PRKN: variants seen among roughly 807,000 people sequenced by gnomAD.
PRKN encodes the protein E3 ubiquitin-protein ligase parkin.
PRKN carries 56 observed loss-of-function variants against 59.5 expected under a neutral mutation model. The ratio of observed to expected loss-of-function variants is 0.94; its 90% CI spans 0.76 to 1.18. The LOEUF is 1.18. Ranked by LOEUF, PRKN falls within the 50% of genes most tolerant of loss-of-function variation. The probability of loss-of-function intolerance (pLI) is 0.00; values close to 1 mark genes in which losing one functional copy is unlikely to be tolerated. For synonymous variants in PRKN, 250 were observed against 222.1 expected (o/e 1.13, Z -1.12); for missense variants, 657 against 596.4 (o/e 1.10, Z -1.06).
At chr6:162,133,318 T>C (rs1181930653) in intron 4 of PRKN, among the ~76,000 whole-genome samples, 1 of 152,162 alleles carries the variant, frequency 6.6e-6, no homozygotes, top group African/African-American at 2.4e-5. Flanking sequence ...TCAGCAACGC[T>C]GCTGATGGAT....
At chr6:161,611,463 T>G (rs1416988271) in intron 7 of PRKN, among the ~76,000 whole-genome samples, 1 of 152,226 alleles carries the variant, frequency 6.6e-6, no homozygotes, top group African/African-American at 2.4e-5. Context: ...TTGGTAATTC[T>G]CACACTATTT....
chr6:162,168,534 T>A (rs1424387601), intron 4 of PRKN, among the ~76,000 whole-genome samples: 2 of 113,194 alleles, frequency 1.8e-5, no homozygotes, highest in African/African-American at 7.0e-5. Flanking sequence ...CAGGCTTTCA[T>A]CCATCATTCT....
At position 161,428,090 on chromosome 6, in the gene PRKN, G is replaced by A. The variant is rs979934598; in HGVS notation, c.1084-41213C>T. 1.6e-4 allele frequency among the ~76,000 whole-genome samples: 24 copies of A among 152,260 alleles called. 1 individual carries two copies. Among genetic ancestry groups the A allele is most frequent in the African/African-American group, 4.6e-4 (19 of 41,552 alleles). ...CTCGGCATTTGGACACAGCTCACAC[G>A]CATGAGTGATGCTCTTCCACCTGCA... On this transcript the variant is annotated intron_variant, in intron 9 of 11. Transcript: ENST00000366898. This position sits in a 1 kb window ranked among gnomAD's most constrained non-coding sequence, Gnocchi z 4.0.
chr6:161,506,542 T>C (rs1778177295), intron 9 of PRKN, among the ~76,000 whole-genome samples: 1 of 152,206 alleles, frequency 6.6e-6, no homozygotes, highest in African/African-American at 2.4e-5. Context: ...AAAAATTTGT[T>C]GCCTATTTAA....
intron 6 of PRKN, among the ~76,000 whole-genome samples, chr6:161,836,409 T>A (rs748557229): frequency 5.3e-5 from 8 of 152,148 alleles, no homozygotes; most frequent in African/African-American, 7.2e-5. Flanking sequence ...CAGTTAAAAT[T>A]CCAGCCTGAG....
At chr6:161,774,382 G>GCACACACACA (rs3220723) in intron 7 of PRKN, among the ~76,000 whole-genome samples, 3 of 130,934 alleles carry the variant, frequency 2.3e-5, no homozygotes, top group Non-Finnish European at 4.9e-5. Context: ...TACTCCCTGA[G>GCACACACACA]CACACACACA....
rs372364500 is a variant in PRKN, at chr6:161,582,582, T to A, written c.872-13166A>T. 1.7e-4 allele frequency among the ~76,000 whole-genome samples: 26 copies of A among 151,920 alleles called. No homozygotes were observed. Among genetic ancestry groups the A allele is most frequent in the African/African-American group, 4.8e-4 (20 of 41,458 alleles). On this transcript the variant is annotated intron_variant, in intron 7 of 11. Coordinates refer to ENST00000366898, the MANE Select transcript of PRKN (RefSeq NM_004562.3). The surrounding 1 kb of genome is among the most constrained non-coding windows in gnomAD (Gnocchi z 4.4). ...GCTGGGACTACAGGCGCCTGCCACC[T>A]CGCCTGGCTAATTGTTTTGTAGTTT... is the stretch of plus-strand genomic sequence containing the variant.
At chr6:162,331,640 T>C (rs1249398420) in intron 2 of PRKN, among the ~76,000 whole-genome samples, 1 of 152,210 alleles carries the variant, frequency 6.6e-6, no homozygotes, top group Non-Finnish European at 1.5e-5. Flanking sequence ...TTTTTCTTTC[T>C]GAGTATCATC....
rs561941098 is a variant in PRKN, at chr6:162,500,437, G to T, written c.8-56964C>A. Among the ~76,000 whole-genome samples, 3 of 152,212 alleles carry T rather than the reference G, an allele frequency of 2.0e-5. No individual in the cohort carries two copies. In the South Asian group the frequency reaches 6.2e-4, roughly 32 times the overall value. On this transcript the variant is annotated intron_variant, in intron 1 of 11. Transcript: ENST00000366898. ...TCCACCCGCCTCAGACTCCTAAAGTGCTGGGATTACAGGCGTGAGCCACTG... is the reference window on the plus strand; with the variant it reads ...TCCACCCGCCTCAGACTCCTAAAGTTCTGGGATTACAGGCGTGAGCCACTG...
At chr6:161,784,877 A>G (rs1790351080) in intron 7 of PRKN, among the ~76,000 whole-genome samples, 1 of 152,260 alleles carries the variant, frequency 6.6e-6, no homozygotes, top group Admixed American at 6.5e-5. Flanking sequence ...CAGCAGATGA[A>G]TGGACACACA....
chr6:161,783,937 C>A (rs569828554), intron 7 of PRKN, among the ~76,000 whole-genome samples: 1 of 152,240 alleles, frequency 6.6e-6, no homozygotes, highest in African/African-American at 2.4e-5. Context: ...CCATTTGGAT[C>A]TTTTTATCAT....
intron 7 of PRKN, among the ~76,000 whole-genome samples, chr6:161,637,807 C>T (rs1399849882): frequency 6.6e-6 from 1 of 151,958 alleles, no homozygotes; most frequent in African/African-American, 2.4e-5. Flanking sequence ...GCTTCCCTTA[C>T]TTGAGAGCAA....
rs544650035 is a variant in PRKN, at chr6:161,456,478, C to T, written c.1084-69601G>A. On this transcript the variant is annotated intron_variant, in intron 9 of 11. Coordinates refer to ENST00000366898, the MANE Select transcript of PRKN (RefSeq NM_004562.3). The surrounding 1 kb of genome is among the most constrained non-coding windows in gnomAD (Gnocchi z 4.8). ...ACTTTTGAGGTTTTGGGAGTCAGAC[C>T]GGCTTCCTTGCTCCTCAGCTTGCAG... 1.6e-4 allele frequency among the ~76,000 whole-genome samples: 24 copies of T among 152,266 alleles called. No individual in the cohort carries two copies. Among genetic ancestry groups the T allele is most frequent in the Non-Finnish European group, 2.6e-4 (18 of 68,014 alleles).
At chr6:161,946,414 A>ACTCTCACTCT (rs1779781451) in intron 6 of PRKN, among the ~76,000 whole-genome samples, 2 of 114,448 alleles carry the variant, frequency 1.7e-5, no homozygotes, top group Admixed American at 1.8e-4. Flanking sequence ...ACACACACAC[A>ACTCTCACTCT]CTCTCTCTCT....
At chr6:161,899,350 G>A (rs1777794169) in intron 6 of PRKN, among the ~76,000 whole-genome samples, 2 of 152,176 alleles carry the variant, frequency 1.3e-5, no homozygotes, top group South Asian at 4.1e-4. Flanking sequence ...TTCTGACAGA[G>A]GACAAAGCCT....
intron 4 of PRKN, among the ~76,000 whole-genome samples, chr6:162,172,125 G>T (rs1275429895): frequency 6.6e-6 from 1 of 152,210 alleles, no homozygotes; most frequent in African/African-American, 2.4e-5. Context: ...GTAAGTGATA[G>T]AACTGAGTGC....
At chr6:162,320,000 T>G (rs1004043097) in intron 2 of PRKN, among the ~76,000 whole-genome samples, 1 of 151,884 alleles carries the variant, frequency 6.6e-6, no homozygotes, top group African/African-American at 2.4e-5. Context: ...TGTCTATGAC[T>G]GCACACTCCA....
chr6:162,720,438 CTTTTTTTTT>C (rs148313968), intron 1 of PRKN, among the ~76,000 whole-genome samples: 1 of 90,106 alleles, frequency 1.1e-5, no homozygotes, highest in Non-Finnish European at 2.1e-5. Flanking sequence ...CATAGATGGT[CTTTTTTTTT>C]TTTTTTTTTT....
At chr6:162,063,476 G>A (rs1305098499) in intron 4 of PRKN, among the ~76,000 whole-genome samples, 1 of 152,042 alleles carries the variant, frequency 6.6e-6, no homozygotes, top group East Asian at 1.9e-4. Flanking sequence ...TGAGGATAAA[G>A]ATTAACAAAC....
Sources: gnomAD v4.1 joint callset for allele counts (sites outside exome capture counted in the v4.1 genomes callset) on GRCh38, gnomAD v4.1.1 for gene constraint, Gnocchi (gnomAD v3.1) non-coding constraint, MANE v1.5 for transcripts, NCBI Gene and HGNC (gene_info 2026-07-23, HGNC 2026-07-21) for gene names.